TCAIM: variants seen among roughly 807,000 people sequenced by gnomAD.
The protein encoded by TCAIM is T-cell activation inhibitor, mitochondrial.
In TCAIM, 36 loss-of-function variants were observed where a neutral mutation model predicts 58.6. The observed-to-expected ratio is 0.61, with a 90% CI of 0.47 to 0.81. The LOEUF (loss-of-function observed/expected upper bound fraction) is 0.81. TCAIM is among the 30% of genes least tolerant of loss of function. The pLI, the probability that TCAIM is intolerant of heterozygous loss-of-function variation, is 0.00. For synonymous variants in TCAIM, 172 were observed against 193.6 expected, an observed-to-expected ratio of 0.89 and a Z score of 0.93; for missense variants, 466 against 579.6, an observed-to-expected ratio of 0.80 and a Z score of 2.01.
intron 5 of TCAIM, among the ~76,000 whole-genome samples, chr3:44,386,997 C>G (rs995549200): frequency 3.9e-5 from 6 of 152,250 alleles, no homozygotes; most frequent in African/African-American, 1.4e-4. Flanking sequence ...GATGACCGTT[C>G]AGCCAATTGG....
intron 8 of TCAIM, 130 bp downstream of exon 8, chr3:44,396,964 G>T (rs1041047954): frequency 5.2e-6 from 4 of 774,170 alleles, no homozygotes; most frequent in South Asian, 2.0e-5. Flanking sequence ...GTTTTTAATC[G>T]CAGTATCAGC....
intron 4 of TCAIM, among the ~76,000 whole-genome samples, chr3:44,364,258 A>G (rs1466233794): frequency 2.0e-5 from 3 of 152,064 alleles, no homozygotes; most frequent in African/African-American, 7.2e-5. Context: ...AAAAAATGTA[A>G]AAGGTTACAG....
chr3:44,384,488 G>A (rs1701702992), intron 5 of TCAIM, among the ~76,000 whole-genome samples: 1 of 152,190 alleles, frequency 6.6e-6, no homozygotes, highest in South Asian at 2.1e-4. Context: ...GATAATGGGG[G>A]ACTTAAGACA....
At chr3:44,361,547 T>C in intron 4 of TCAIM, 29 bp downstream of exon 4, 1 of 1,544,726 alleles carries the variant, frequency 6.5e-7, no homozygotes, top group Non-Finnish European at 8.7e-7. Flanking sequence ...GTGTGTCCCT[T>C]GCAAGCTTAA....
chr3:44,364,283 G>A (rs1701337159), intron 4 of TCAIM, among the ~76,000 whole-genome samples: 1 of 150,542 alleles, frequency 6.6e-6, no homozygotes, highest in Non-Finnish European at 1.5e-5. Flanking sequence ...AATTAAACTA[G>A]AAATGGGAGA....
At position 44,392,847 on chromosome 3, in the gene TCAIM, C is replaced by G. The variant is rs1355507432; in HGVS notation, c.573-8C>G. On this transcript the variant is annotated splice_polypyrimidine_tract_variant and splice_region_variant and intron_variant, in intron 5 of 10. Transcript: ENST00000342649. ...AGTATTGTAAAGTATGTATCTCTCT[C>G]TTTCTAGATCCTGGTTAGATAACAA... 11 of 1,610,188 alleles carry G rather than the reference C, an allele frequency of 6.8e-6. No individual in the cohort carries two copies. Among genetic ancestry groups the G allele is most frequent in the Non-Finnish European group, 9.3e-6 (11 of 1,178,164 alleles).
At chr3:44,345,390 G>T (rs1700945486) in intron 1 of TCAIM, among the ~76,000 whole-genome samples, 1 of 152,208 alleles carries the variant, frequency 6.6e-6, no homozygotes, top group African/African-American at 2.4e-5. Context: ...TCCAACTAGA[G>T]AGTGCCCAAG....
Position 44,396,740 on chromosome 3 carries a change from C to G in TCAIM, c.794-3C>G, listed in dbSNP as rs1469071619. 6.2e-7 allele frequency: 1 copy of G among 1,613,076 alleles called. No individual in the cohort carries two copies. Among genetic ancestry groups the G allele is most frequent in the Admixed American group, 1.7e-5 (1 of 59,800 alleles). ...GACCAAAGGTTTTGTGTTTTGTCAT[C>G]AGGGTGTACAATCATATTTACAGAC... On this transcript the variant is annotated splice_region_variant and splice_polypyrimidine_tract_variant and intron_variant, in intron 7 of 10. Transcript: ENST00000342649.
chr3:44,365,889 G>A (rs1386798471), intron 4 of TCAIM, among the ~76,000 whole-genome samples: 1 of 152,168 alleles, frequency 6.6e-6, no homozygotes, highest in East Asian at 1.9e-4. Flanking sequence ...GAGCAGGTCT[G>A]GAAGAATATG....
At position 44,400,515 on chromosome 3, in the gene TCAIM, A is replaced by G. The variant is rs200972043; in HGVS notation, c.1046A>G (p.Tyr349Cys). The change falls in exon 9 of 11, where the codon TAT (tyrosine) becomes TGT (cysteine). Residue 349 changes from tyrosine to cysteine, a missense_variant. Physicochemically the swap from Tyr to Cys is radical, Grantham distance 194. Transcript: ENST00000342649. ...EEYYSLLDVF[Y>C]NRLLKSRILF... ...TATTACTCTCTTCTTGATGTGTTTT[A>G]TAATAGACTGTTGAAAAGTAGAATA... 4.3e-6 allele frequency: 7 copies of G among 1,613,674 alleles called. No individual in the cohort carries two copies. Among genetic ancestry groups the G allele is most frequent in the Admixed American group, 1.7e-5 (1 of 59,994 alleles).
chr3:44,374,839 GTCTAAAC>G (rs1370702305), intron 5 of TCAIM, among the ~76,000 whole-genome samples: 1 of 152,116 alleles, frequency 6.6e-6, no homozygotes, highest in Non-Finnish European at 1.5e-5. Context: ...GCTGTTATTG[GTCTAAAC>G]TCCTTTGTTT....
chr3:44,357,004 A>G (rs980952847), intron 2 of TCAIM, among the ~76,000 whole-genome samples: 1 of 151,004 alleles, frequency 6.6e-6, no homozygotes, highest in African/African-American at 2.4e-5. Context: ...GAGAATATCA[A>G]GTTATCCAAC....
At position 44,383,318 on chromosome 3, in the gene TCAIM, T is replaced by C. The variant is rs936924547; in HGVS notation, c.573-9537T>C. On this transcript the variant is annotated intron_variant, in intron 5 of 10. Transcript: ENST00000342649. ...AGCAACCCAAGTGTCCATCAGTGGA[T>C]GAATGGATAAGCAAAATTTGATATA... Among the ~76,000 whole-genome samples, 3 of 152,148 alleles carry C rather than the reference T, an allele frequency of 2.0e-5. No homozygotes were observed. In the South Asian group the frequency reaches 6.2e-4, roughly 32 times the overall value.
At chr3:44,389,932 A>T (rs1351644332) in intron 5 of TCAIM, among the ~76,000 whole-genome samples, 5 of 152,114 alleles carry the variant, frequency 3.3e-5, no homozygotes, top group Non-Finnish European at 5.9e-5. Context: ...GTCTTTATGC[A>T]CTAATATGAT....
intron 1 of TCAIM, among the ~76,000 whole-genome samples, chr3:44,347,959 T>C (rs1385394410): frequency 1.3e-5 from 2 of 151,980 alleles, no homozygotes; most frequent in Non-Finnish European, 1.5e-5. Context: ...AGCCTAGGAA[T>C]AGTCAGGAAA....
intron 1 of TCAIM, among the ~76,000 whole-genome samples, chr3:44,345,261 G>A (rs1256549883): frequency 2.6e-5 from 4 of 151,914 alleles, no homozygotes; most frequent in African/African-American, 9.7e-5. Context: ...AGAATGATTG[G>A]TGATGGCCTG....
chr3:44,354,791 C>T lies in TCAIM; in HGVS notation c.9C>T (p.Cys3=). The change falls in exon 2 of 11, where the codon TGC becomes TGT. Residue 3 remains cysteine (C), a synonymous_variant. Transcript: ENST00000342649. ...TACATATATATTCAGAAATGTTTTG[C>T]CACCTGAGACCTATGAGGAGGTAAG... MF[C]HLRPMRRLCL... is the part of the protein sequence containing the mutation. 2 of 1,610,700 alleles carry T rather than the reference C, an allele frequency of 1.2e-6. No individual in the cohort carries two copies. The highest frequency in any genetic ancestry group is 2.2e-5 in the South Asian group (2 of 90,274).
At chr3:44,387,440 C>T (rs1014240983) in intron 5 of TCAIM, among the ~76,000 whole-genome samples, 2 of 152,242 alleles carry the variant, frequency 1.3e-5, no homozygotes, top group African/African-American at 4.8e-5. Context: ...AGGGCTGTGA[C>T]ACCCTCTTTG....
At chr3:44,404,169 C>T (rs1559586772) in intron 10 of TCAIM, among the ~76,000 whole-genome samples, 1 of 152,204 alleles carries the variant, frequency 6.6e-6, no homozygotes, top group East Asian at 1.9e-4. Context: ...GCCCTGCTCA[C>T]ATTCCACCTT....
Sources: gnomAD v4.1 joint callset for allele counts (sites outside exome capture counted in the v4.1 genomes callset) on GRCh38, gnomAD v4.1.1 for gene constraint, MANE v1.5 for transcripts, NCBI Gene and HGNC (gene_info 2026-07-23, HGNC 2026-07-21) for gene names.